The following ARL10 variants were observed in gnomAD, a reference collection of about 807,000 sequenced individuals.
ARL10 encodes ARF like GTPase 10.
In ARL10, 23 loss-of-function variants were observed where a neutral mutation model predicts 26.1. That is an observed-to-expected ratio of 0.88 (90% CI 0.63 to 1.25). The LOEUF (loss-of-function observed/expected upper bound fraction) is 1.25. Ranked by LOEUF, ARL10 falls within the 50% of genes most tolerant of loss-of-function variation. ARL10 has a pLI of 0.00. For synonymous variants in ARL10, 138 were observed against 149.1 expected, an observed-to-expected ratio of 0.93 and a Z score of 0.54; for missense variants, 300 against 323.6, an observed-to-expected ratio of 0.93 and a Z score of 0.56.
chr5:176,389,779 G>C (rs1388052999), downstream of ARL10: 1 of 298,264 alleles, frequency 3.4e-6, no homozygotes, highest in African/African-American at 2.2e-5. Flanking sequence ...TCATCCCCAT[G>C]GTTTTTGGTC....
chr5:176,390,231 T>C (rs1258226051), downstream of ARL10, among the ~76,000 whole-genome samples: 2 of 150,894 alleles, frequency 1.3e-5, no homozygotes, highest in Non-Finnish European at 2.9e-5. Flanking sequence ...CTTGAGATTC[T>C]AGTTCAGTGG....
rs1261572491 is a variant in ARL10 at position 176,377,479 on chromosome 5, C to A, written c.*5584C>A. On this transcript the variant is annotated 3_prime_UTR_variant, in exon 4 of 4. Transcript: ENST00000310389. The surrounding 1 kb of genome is among the most constrained non-coding windows in gnomAD (Gnocchi z 4.5). ...TACTGCCATAGCATCAGCTCTCCTACACAGGAAAGCTTCTATCCAACCAGA... is the reference window on the plus strand; with the variant it reads ...TACTGCCATAGCATCAGCTCTCCTAAACAGGAAAGCTTCTATCCAACCAGA... The A allele has an allele frequency of 2.0e-5, 3 of 152,220 alleles. No individual in the cohort carries two copies. The highest frequency in any genetic ancestry group is 4.4e-5 in the Non-Finnish European group (3 of 68,032). 9.4% of individuals were successfully genotyped at this position (152,220 alleles called of 1,614,324 possible).
chr5:176,398,195 A>G (rs1048893359), intron 1 of ARL10: 2 of 688,728 alleles, frequency 2.9e-6, no homozygotes, highest in Non-Finnish European at 5.1e-6. Context: ...CTATCTTTGC[A>G]CTTGCTGTTC....
chr5:176,386,767 G>C (rs1167351823), downstream of ARL10: 2 of 1,317,716 alleles, frequency 1.5e-6, no homozygotes, highest in East Asian at 4.6e-5. Context: ...GCAAAATGAG[G>C]ACATCTTAGG....
At chr5:176,388,230 A>G (rs1407181379) in intron 1 of ARL10, 2 of 1,601,306 alleles carry the variant, frequency 1.2e-6, no homozygotes, top group African/African-American at 1.3e-5. Context: ...CTGCCATGTC[A>G]GTACCTTTCT....
chr5:176,381,142 A>C lies in ARL10; in HGVS notation c.*9247A>C, dbSNP rs915201094. On this transcript the variant is annotated 3_prime_UTR_variant, in exon 4 of 4. Coordinates refer to ENST00000310389, the MANE Select transcript of ARL10 (RefSeq NM_173664.6). Reference sequence around the variant, plus strand: ...GAAACAAACCCGTTATCAAAAGGATAACCTACCCAATGCCTCTAACTGGAT... The same window carrying C: ...GAAACAAACCCGTTATCAAAAGGATCACCTACCCAATGCCTCTAACTGGAT... 2.0e-5 allele frequency: 3 copies of C among 152,224 alleles called. No homozygotes were observed. The highest frequency in any genetic ancestry group is 4.4e-5 in the Non-Finnish European group (3 of 68,040). 9.4% of individuals were successfully genotyped at this position (152,224 alleles called of 1,614,324 possible). A position where few individuals can be genotyped will look rare whatever the true frequency, so the allele number is the denominator to read the frequency against.
the ARL10 span, among the ~76,000 whole-genome samples, chr5:176,410,932 G>A: frequency 6.6e-6 from 1 of 152,148 alleles, no homozygotes; most frequent in East Asian, 1.9e-4. Flanking sequence ...CATTTGATTA[G>A]TCACAAATTC....
intron 1 of ARL10, among the ~76,000 whole-genome samples, chr5:176,366,047 G>C (rs963197847): frequency 3.3e-5 from 5 of 152,198 alleles, no homozygotes; most frequent in African/African-American, 7.2e-5. Flanking sequence ...GGAGCATCCC[G>C]GGGCCCAGCC....
chr5:176,392,735 G>A, downstream of ARL10: 2 of 1,608,642 alleles, frequency 1.2e-6, no homozygotes, highest in East Asian at 2.2e-5. This position sits in a 1 kb window ranked among gnomAD's most constrained non-coding sequence, Gnocchi z 5.2. Context: ...CTGTGCCCAG[G>A]CCCAGCCCAT....
downstream of ARL10, among the ~76,000 whole-genome samples, chr5:176,382,207 C>T (rs6882450): frequency 0.091 from 13,868 of 152,254 alleles, 715 homozygotes; most frequent in Middle Eastern, 0.12. Context: ...TACCCAGCTG[C>T]TCCTGAATAT....
At chr5:176,369,945 C>T (rs555442946) in intron 3 of ARL10, among the ~76,000 whole-genome samples, 4 of 133,492 alleles carry the variant, frequency 3.0e-5, no homozygotes, top group East Asian at 2.1e-4. Flanking sequence ...GGTGACACAG[C>T]GAGACCCTAT....
downstream of ARL10, chr5:176,388,708 C>T: frequency 6.9e-7 from 1 of 1,457,914 alleles, no homozygotes; most frequent in Non-Finnish European, 9.3e-7. Context: ...ATGCAACGAG[C>T]ATTTGCGCCT....
At chr5:176,404,799 G>A (rs562173776), downstream of ARL10, among the ~76,000 whole-genome samples, 446 of 152,268 alleles carry the variant, frequency 2.9e-3, 1 homozygote, top group African/African-American at 0.01. Flanking sequence ...ATGAGTGACC[G>A]ACCCTCTGTG....
Position 176,393,819 on chromosome 5 carries a change from G to C in ARL10, c.134-7922G>C, listed in dbSNP as rs988924887. On this transcript the variant is annotated intron_variant, in intron 1 of 1. Coordinates refer to the ARL10 transcript ENST00000514533. The surrounding 1 kb of genome is among the most constrained non-coding windows in gnomAD (Gnocchi z 4.4). ...ACAGTCTAGTGGACAAAATCTACAC[G>C]TGGGACTCACTAACAGAAAGACAAT... Among the ~76,000 whole-genome samples, 6 of 152,220 alleles carry C rather than the reference G, an allele frequency of 3.9e-5. No individual in the cohort carries two copies. The highest frequency in any genetic ancestry group is 8.8e-5 in the Non-Finnish European group (6 of 68,044).
At chr5:176,366,159 A>T (rs935829911) in intron 1 of ARL10, among the ~76,000 whole-genome samples, 2 of 152,162 alleles carry the variant, frequency 1.3e-5, no homozygotes, top group African/African-American at 4.8e-5. Context: ...CGGGACTCCG[A>T]GACCGGTGGA....
At chr5:176,383,929 C>T (rs1755620237), downstream of ARL10, 2 of 1,467,702 alleles carry the variant, frequency 1.4e-6, no homozygotes, top group South Asian at 1.4e-5. Context: ...CAGAAAAATA[C>T]AAAATCATCA....
rs1011207789 is a variant in ARL10 at position 176,380,472 on chromosome 5, T to G, written c.*8577T>G. 9 of 112,010 alleles carry G rather than the reference T, an allele frequency of 8.0e-5. No homozygotes were observed. In the East Asian group the frequency reaches 2.9e-3, roughly 36 times the overall value. The allele number at this position is 112,010 out of a possible 1,614,324, so 6.9% of individuals were successfully genotyped here. A position where few individuals can be genotyped will look rare whatever the true frequency, so the allele number is the denominator to read the frequency against. On this transcript the variant is annotated 3_prime_UTR_variant, in exon 4 of 4. Transcript: ENST00000310389. ...CAAGTTCTGGGTCCATAATTTTGGT[T>G]TTTTTTTTTTTTTTTTTTTGAGACA...
chr5:176,393,087 C>A (rs960513793), downstream of ARL10: 1 of 901,560 alleles, frequency 1.1e-6, no homozygotes, highest in Non-Finnish European at 1.7e-6. The surrounding 1 kb of genome is among the most constrained non-coding windows in gnomAD (Gnocchi z 4.4). Flanking sequence ...AGGAGGGCAG[C>A]CTTGGCGCAG....
chr5:176,365,601 TG>T lies in ARL10; in HGVS notation c.41del (p.Gly14AlafsTer114). ...PRPLGPLVLA[L>X]GGAAAVLGSV... ...CCGCTGGGCCCCTTGGTGCTGGCGCTGGGCGGCGCCGCGGCGGTGCTGGGCT... is the reference window on the plus strand; with the variant it reads ...CCGCTGGGCCCCTTGGTGCTGGCGCTGGCGGCGCCGCGGCGGTGCTGGGCT... On this transcript the variant is annotated frameshift_variant, in exon 1 of 4. Transcript: ENST00000310389. LOFTEE classifies it high-confidence loss of function. The T allele has an allele frequency of 8.0e-7, 1 of 1,250,480 alleles. No individual in the cohort carries two copies. The highest frequency in any genetic ancestry group is 1.0e-6 in the Non-Finnish European group (1 of 999,204). The allele number at this position is 1,250,480 out of a possible 1,614,324, so 77.5% of individuals were successfully genotyped here. A position where few individuals can be genotyped will look rare whatever the true frequency, so the allele number is the denominator to read the frequency against.
Sources: gnomAD v4.1 joint callset for allele counts (sites outside exome capture counted in the v4.1 genomes callset) on GRCh38, gnomAD v4.1.1 for gene constraint, Gnocchi (gnomAD v3.1) non-coding constraint, MANE v1.5 for transcripts, NCBI Gene and HGNC (gene_info 2026-07-23, HGNC 2026-07-21) for gene names.